The following FBXW7 variants were observed in gnomAD, a reference collection of about 807,000 sequenced individuals.
FBXW7 encodes F-box and WD repeat domain containing 7.
A neutral mutation model predicts 86.3 loss-of-function variants in FBXW7; 11 were observed. That is an observed-to-expected ratio of 0.13 (90% CI 0.08 to 0.21). FBXW7 has a LOEUF of 0.21. FBXW7 is among the 10% of genes least tolerant of loss of function. FBXW7 has a pLI of 1.00. For missense variants in FBXW7, 488 were observed against 847.4 expected, an observed-to-expected ratio of 0.58 and a Z score of 5.27; for synonymous variants, 313 against 297.9, an observed-to-expected ratio of 1.05 and a Z score of -0.52.
At chr4:152,358,511 TAA>T (rs75134488) in intron 4 of FBXW7, among the ~76,000 whole-genome samples, 30 of 120,898 alleles carry the variant, frequency 2.5e-4, no homozygotes, top group Non-Finnish European at 2.9e-4. Flanking sequence ...AGCTAAAGAC[TAA>T]AAAAAAAAAA....
At chr4:152,454,914 A>G (rs1742275357) in intron 2 of FBXW7, among the ~76,000 whole-genome samples, 1 of 152,142 alleles carries the variant, frequency 6.6e-6, no homozygotes. Flanking sequence ...AAAAAAGCAT[A>G]TATCTAAATA....
intron 2 of FBXW7, among the ~76,000 whole-genome samples, chr4:152,473,587 C>A (rs1744146460): frequency 6.6e-6 from 1 of 152,150 alleles, no homozygotes; most frequent in African/African-American, 2.4e-5. Flanking sequence ...TGGGCTCAAG[C>A]AATCCACCTC....
chr4:152,461,032 G>C (rs551205412), intron 2 of FBXW7, among the ~76,000 whole-genome samples: 1 of 152,290 alleles, frequency 6.6e-6, no homozygotes, highest in East Asian at 1.9e-4. Context: ...TGTAATCAAA[G>C]TACTTTGGGA....
At position 152,350,133 on chromosome 4, in the gene FBXW7, T is replaced by C. The variant is rs1165983363; in HGVS notation, c.502-9A>G. 1 of 1,504,112 alleles carries C rather than the reference T, an allele frequency of 6.6e-7. No homozygotes were observed. Among genetic ancestry groups the C allele is most frequent in the Non-Finnish European group, 9.0e-7 (1 of 1,110,992 alleles). 93.2% of individuals were successfully genotyped at this position (1,504,112 alleles called of 1,614,324 possible). A position where few individuals can be genotyped will look rare whatever the true frequency, so the allele number is the denominator to read the frequency against. On this transcript the variant is annotated splice_polypyrimidine_tract_variant and intron_variant, in intron 4 of 13. Coordinates refer to ENST00000281708, the MANE Select transcript of FBXW7 (RefSeq NM_001349798.2). ...TCCAACTTTCTTTTCATCTATAAGG[T>C]AAAACAAACAAGATATGTTTTTTAA... is the stretch of plus-strand genomic sequence containing the variant.
At chr4:152,405,938 G>A (rs1737386490) in intron 4 of FBXW7, among the ~76,000 whole-genome samples, 1 of 152,220 alleles carries the variant, frequency 6.6e-6, no homozygotes, top group South Asian at 2.1e-4. Flanking sequence ...ATGCCCAACA[G>A]ACAGCTAGAA....
At position 152,536,034 on chromosome 4, in the gene FBXW7, C is replaced by A. The variant is rs937627970; in HGVS notation, c.-1120G>T. 2 of 213,648 alleles carry A rather than the reference C, an allele frequency of 9.4e-6. No individual in the cohort carries two copies. Among genetic ancestry groups the A allele is most frequent in the Non-Finnish European group, 1.8e-5 (2 of 108,568 alleles). The allele number at this position is 213,648 out of a possible 1,614,324, so 13.2% of individuals were successfully genotyped here. A position where few individuals can be genotyped will look rare whatever the true frequency, so the allele number is the denominator to read the frequency against. On this transcript the variant is annotated 5_prime_UTR_variant, in exon 1 of 14. Transcript: ENST00000281708. ...CGGCGGCAGCGGCAGCGGCAGCGCCCGGAGCTCAGCTCGCTGTCTCCCTCG... is the reference window on the plus strand; with the variant it reads ...CGGCGGCAGCGGCAGCGGCAGCGCCAGGAGCTCAGCTCGCTGTCTCCCTCG...
At chr4:152,388,051 T>G (rs1289207949) in intron 4 of FBXW7, among the ~76,000 whole-genome samples, 1 of 152,036 alleles carries the variant, frequency 6.6e-6, no homozygotes, top group African/African-American at 2.4e-5. Context: ...TAAGCTTTAG[T>G]ATTCACAAAA....
chr4:152,411,090 C>G, intron 4 of FBXW7: 5 of 829,344 alleles, frequency 6.0e-6, no homozygotes, highest in Non-Finnish European at 8.3e-6. Context: ...GGCTCAATTA[C>G]TTTCCCTCCA....
At chr4:152,390,472 G>GATTATTATT (rs1735904811) in intron 4 of FBXW7, among the ~76,000 whole-genome samples, 3 of 151,924 alleles carry the variant, frequency 2.0e-5, no homozygotes, top group Admixed American at 1.3e-4. Flanking sequence ...TTTAGTTCGT[G>GATTATTATT]ATTATTATAG....
intron 4 of FBXW7, among the ~76,000 whole-genome samples, chr4:152,354,020 T>C (rs900182767): frequency 9.9e-5 from 15 of 152,162 alleles, no homozygotes; most frequent in African/African-American, 1.4e-4. Context: ...TGGTGGTAAA[T>C]GGCTTTCTTT....
At chr4:152,497,348 C>T (rs1214245949) in intron 2 of FBXW7, among the ~76,000 whole-genome samples, 2 of 131,526 alleles carry the variant, frequency 1.5e-5, no homozygotes, top group Non-Finnish European at 3.2e-5. Flanking sequence ...AAAAACCACA[C>T]ACACACACAC....
At chr4:152,377,395 T>C (rs1021729943) in intron 4 of FBXW7, among the ~76,000 whole-genome samples, 2 of 152,140 alleles carry the variant, frequency 1.3e-5, no homozygotes, top group Non-Finnish European at 2.9e-5. Flanking sequence ...TTTAAAATGA[T>C]AGAAATCATC....
chr4:152,530,664 C>T (rs940702762), intron 2 of FBXW7: 2 of 152,186 alleles, frequency 1.3e-5, no homozygotes, highest in Non-Finnish European at 2.9e-5. Context: ...CAGAGAAAAA[C>T]ATCTCATCTA....
intron 2 of FBXW7, among the ~76,000 whole-genome samples, chr4:152,510,012 G>C (rs1172506181): frequency 6.6e-6 from 1 of 152,140 alleles, no homozygotes; most frequent in African/African-American, 2.4e-5. Context: ...AAGTATAAGA[G>C]GGGAAATAAA....
chr4:152,497,626 T>C (rs1006853262), intron 2 of FBXW7, among the ~76,000 whole-genome samples: 1 of 151,992 alleles, frequency 6.6e-6, no homozygotes. Context: ...AAAAAAATCA[T>C]AGCTAGATAA....
At chr4:152,455,263 A>T (rs1055478569) in intron 2 of FBXW7, among the ~76,000 whole-genome samples, 4 of 152,256 alleles carry the variant, frequency 2.6e-5, no homozygotes, top group African/African-American at 7.2e-5. Flanking sequence ...CAGGCAACAC[A>T]GGAGAGTTAG....
chr4:152,424,716 C>G (rs1395571189), intron 2 of FBXW7, among the ~76,000 whole-genome samples: 1 of 152,182 alleles, frequency 6.6e-6, no homozygotes, highest in Non-Finnish European at 1.5e-5. Flanking sequence ...AGTTACAAAT[C>G]ACTACTTATC....
chr4:152,524,900 T>C (rs1179042497), intron 2 of FBXW7, among the ~76,000 whole-genome samples: 11 of 152,332 alleles, frequency 7.2e-5, no homozygotes, highest in Admixed American at 5.2e-4. Context: ...TAGTTTATAC[T>C]ATCAAATTCA....
At chr4:152,346,706 A>G (rs1326480506) in intron 6 of FBXW7, 1 of 492,916 alleles carries the variant, frequency 2.0e-6, no homozygotes, top group Non-Finnish European at 3.5e-6. Context: ...GGCAACCATT[A>G]ATCTACTTTC....
Sources: gnomAD v4.1 joint callset for allele counts (sites outside exome capture counted in the v4.1 genomes callset) on GRCh38, gnomAD v4.1.1 for gene constraint, MANE v1.5 for transcripts, NCBI Gene and HGNC (gene_info 2026-07-23, HGNC 2026-07-21) for gene names.